Variants in CDH12 observed in about 807,000 individuals in gnomAD.
The protein encoded by CDH12 is cadherin 12.
CDH12 carries 41 observed loss-of-function variants against 74.1 expected under a neutral mutation model. The observed-to-expected ratio is 0.55, with a 90% CI of 0.43 to 0.72. The LOEUF (loss-of-function observed/expected upper bound fraction) is 0.72, where lower values mean the gene tolerates loss of function less well. CDH12 is among the 30% of genes least tolerant of loss of function. The probability of loss-of-function intolerance (pLI) is 0.00; values close to 1 mark genes in which losing one functional copy is unlikely to be tolerated. For missense variants in CDH12, 945 were observed against 977.2 expected (o/e 0.97, Z 0.44); for synonymous variants, 399 against 355.0 (o/e 1.12, Z -1.39).
chr5:22,699,941 G>A (rs968582054), intron 1 of CDH12, among the ~76,000 whole-genome samples: 2 of 152,080 alleles, frequency 1.3e-5, no homozygotes, highest in Admixed American at 6.5e-5. Flanking sequence ...TTGAGAGGCC[G>A]AGGCAGGCAG....
At chr5:22,184,773 G>A (rs1749839453) in intron 4 of CDH12, among the ~76,000 whole-genome samples, 1 of 152,086 alleles carries the variant, frequency 6.6e-6, no homozygotes, top group Non-Finnish European at 1.5e-5. Flanking sequence ...CCCCCCAACA[G>A]TAGTCTCAGA....
intron 3 of CDH12, among the ~76,000 whole-genome samples, chr5:22,293,347 C>A (rs1737484415): frequency 6.6e-6 from 1 of 152,090 alleles, no homozygotes; most frequent in South Asian, 2.1e-4. Flanking sequence ...AGTAAATTTG[C>A]CTTGCTGAGA....
intron 1 of CDH12, among the ~76,000 whole-genome samples, chr5:22,607,277 A>G (rs1737166193): frequency 6.6e-6 from 1 of 152,218 alleles, no homozygotes; most frequent in Admixed American, 6.5e-5. Flanking sequence ...TCTCTAGGGC[A>G]TGTCAGAGAC....
chr5:22,715,230 T>C (rs1360547462), intron 1 of CDH12, among the ~76,000 whole-genome samples: 2 of 152,206 alleles, frequency 1.3e-5, no homozygotes, highest in African/African-American at 4.8e-5. Context: ...TCCATCTCTT[T>C]AGTTACTCTG....
At chr5:21,937,130 A>G (rs1171592495) in intron 6 of CDH12, among the ~76,000 whole-genome samples, 1 of 152,244 alleles carries the variant, frequency 6.6e-6, no homozygotes, top group Non-Finnish European at 1.5e-5. Flanking sequence ...ACAATGTGGC[A>G]TTAAAACAGA....
At chr5:22,321,263 G>A (rs1185583357) in intron 3 of CDH12, among the ~76,000 whole-genome samples, 1 of 150,678 alleles carries the variant, frequency 6.6e-6, no homozygotes, top group Non-Finnish European at 1.5e-5. Flanking sequence ...AACAATGATA[G>A]ACTGGATTAA....
At chr5:22,134,964 C>A (rs544378132) in intron 4 of CDH12, among the ~76,000 whole-genome samples, 27 of 152,100 alleles carry the variant, frequency 1.8e-4, no homozygotes, top group African/African-American at 6.5e-4. Context: ...TTTTTAAAAC[C>A]TGCTCTTTGT....
rs11957300 is a variant in CDH12, at chr5:22,024,166, C to T, written c.232-48781G>A. Among the ~76,000 whole-genome samples the T allele has an allele frequency of 3.8e-3, 586 of 152,260 alleles. 3 individuals carry two copies. Among genetic ancestry groups the T allele is most frequent in the African/African-American group, 0.013 (549 of 41,548 alleles). Reference sequence around the variant, plus strand: ...AAAATGTATGTTACTATCTTTAAAACTACATGATACAGTGACTACATATAC... The same window carrying T: ...AAAATGTATGTTACTATCTTTAAAATTACATGATACAGTGACTACATATAC... On this transcript the variant is annotated intron_variant, in intron 5 of 14. Transcript: ENST00000382254.
intron 1 of CDH12, among the ~76,000 whole-genome samples, chr5:22,831,350 T>A (rs1382741449): frequency 7.8e-6 from 1 of 128,500 alleles, no homozygotes; most frequent in African/African-American, 2.9e-5. Flanking sequence ...GGTTTTGGAG[T>A]TTGTGTGTGT....
chr5:22,327,256 G>T (rs1739150986), intron 3 of CDH12, among the ~76,000 whole-genome samples: 1 of 152,008 alleles, frequency 6.6e-6, no homozygotes, highest in Non-Finnish European at 1.5e-5. Flanking sequence ...TACCAAGAAA[G>T]AATTTTATTT....
chr5:22,248,183 C>T (rs1389436468), intron 3 of CDH12, among the ~76,000 whole-genome samples: 1 of 152,048 alleles, frequency 6.6e-6, no homozygotes, highest in Non-Finnish European at 1.5e-5. Flanking sequence ...GCCTGTAATC[C>T]CAGCTACTTG....
intron 2 of CDH12, among the ~76,000 whole-genome samples, chr5:22,487,730 T>C (rs1746670728): frequency 6.6e-6 from 1 of 152,158 alleles, no homozygotes; most frequent in African/African-American, 2.4e-5. Context: ...CAAAACCTAC[T>C]TACCTCAGGG....
chr5:22,473,522 A>C (rs1269280849), intron 2 of CDH12, among the ~76,000 whole-genome samples: 1 of 152,176 alleles, frequency 6.6e-6, no homozygotes, highest in Non-Finnish European at 1.5e-5. Context: ...TATGTGAAGC[A>C]TGGGGATAAA....
At chr5:22,740,898 A>C (rs567612847) in intron 1 of CDH12, among the ~76,000 whole-genome samples, 2 of 152,172 alleles carry the variant, frequency 1.3e-5, no homozygotes, top group Non-Finnish European at 1.5e-5. Context: ...GTAATGCATT[A>C]AATGAACATT....
At chr5:22,673,793 G>A (rs1741024765) in intron 1 of CDH12, among the ~76,000 whole-genome samples, 1 of 151,992 alleles carries the variant, frequency 6.6e-6, no homozygotes, top group African/African-American at 2.4e-5. Context: ...ATGGTAATAA[G>A]GAAAAATAGT....
chr5:22,038,720 C>A (rs1361310558), intron 5 of CDH12, among the ~76,000 whole-genome samples: 3 of 152,084 alleles, frequency 2.0e-5, no homozygotes, highest in African/African-American at 7.2e-5. Context: ...CAGTTGACAC[C>A]CAGAGAAGAC....
chr5:21,798,255 G>A (rs937098772), intron 10 of CDH12, among the ~76,000 whole-genome samples: 2 of 76,534 alleles, frequency 2.6e-5, no homozygotes. Context: ...GTGGATGTGT[G>A]TGTGTGTGTG....
chr5:22,732,609 A>G (rs1362567926), intron 1 of CDH12, among the ~76,000 whole-genome samples: 1 of 151,852 alleles, frequency 6.6e-6, no homozygotes, highest in African/African-American at 2.4e-5. Context: ...GTCCACTCCA[A>G]TGTGAACAGT....
At chr5:22,424,339 T>C (rs966510512) in intron 2 of CDH12, among the ~76,000 whole-genome samples, 1 of 152,128 alleles carries the variant, frequency 6.6e-6, no homozygotes, top group African/African-American at 2.4e-5. Context: ...TTCTTTCTTG[T>C]TGCTTTTCAG....
Sources: allele counts gnomAD v4.1 joint callset (sites outside exome capture counted in the v4.1 genomes callset), GRCh38; gene constraint gnomAD v4.1.1; transcripts MANE v1.5; gene names NCBI Gene and HGNC (gene_info 2026-07-23, HGNC 2026-07-21).